GMDS: variants seen among roughly 807,000 people sequenced by gnomAD.
GMDS encodes the protein GDP-mannose 4,6 dehydratase.
In GMDS, 20 loss-of-function variants were observed where a neutral mutation model predicts 49.9. The observed-to-expected ratio is 0.40, with a 90% CI of 0.28 to 0.58. GMDS has a LOEUF of 0.58. Ranked by LOEUF, GMDS falls within the 20% of genes least tolerant of loss-of-function variation. GMDS has a pLI of 0.42. For missense variants in GMDS, 362 were observed against 481.4 expected, an observed-to-expected ratio of 0.75 and a Z score of 2.32; for synonymous variants, 177 against 178.6, an observed-to-expected ratio of 0.99 and a Z score of 0.07.
At chr6:2,126,230 C>A (rs1414622777) in intron 1 of GMDS, among the ~76,000 whole-genome samples, 2 of 152,214 alleles carry the variant, frequency 1.3e-5, no homozygotes, top group African/African-American at 4.8e-5. Flanking sequence ...GATCCCATAA[C>A]TGCTCCTCTG....
intron 4 of GMDS, among the ~76,000 whole-genome samples, chr6:2,001,129 T>C (rs1166539683): frequency 6.6e-6 from 1 of 152,192 alleles, no homozygotes; most frequent in Non-Finnish European, 1.5e-5. Context: ...AGATTTCCAA[T>C]TCTCTAATTT....
chr6:1,986,571 C>T (rs189650391), intron 4 of GMDS, among the ~76,000 whole-genome samples: 2 of 152,232 alleles, frequency 1.3e-5, no homozygotes, highest in African/African-American at 4.8e-5. Context: ...GTATTAATAG[C>T]TAATCTTCAG....
At chr6:2,233,090 C>T (rs1043292195) in intron 1 of GMDS, among the ~76,000 whole-genome samples, 1 of 152,166 alleles carries the variant, frequency 6.6e-6, no homozygotes, top group African/African-American at 2.4e-5. Context: ...AAGGTACGAC[C>T]TCGTAAATGT....
intron 1 of GMDS, among the ~76,000 whole-genome samples, chr6:2,209,564 T>TACAC (rs1393732535): frequency 5.3e-5 from 6 of 112,850 alleles, no homozygotes; most frequent in Admixed American, 9.2e-5. Flanking sequence ...TACATACACA[T>TACAC]ACACATACAC....
intron 7 of GMDS, among the ~76,000 whole-genome samples, chr6:1,794,519 C>G (rs1769663817): frequency 6.6e-6 from 1 of 152,196 alleles, no homozygotes; most frequent in Non-Finnish European, 1.5e-5. Flanking sequence ...GAGGTCAAAT[C>G]TGGTACTGAG....
At chr6:2,216,933 T>C (rs1198704255) in intron 1 of GMDS, among the ~76,000 whole-genome samples, 1 of 151,898 alleles carries the variant, frequency 6.6e-6, no homozygotes, top group African/African-American at 2.4e-5. Context: ...GAAAGGGAGC[T>C]CAGTGGTTCC....
At chr6:1,762,166 T>G in intron 7 of GMDS, among the ~76,000 whole-genome samples, 1 of 152,260 alleles carries the variant, frequency 6.6e-6, no homozygotes, top group East Asian at 1.9e-4. Flanking sequence ...TATAACCGTC[T>G]GCATTTATTA....
chr6:1,830,182 T>G (rs1374954730), intron 7 of GMDS, among the ~76,000 whole-genome samples: 1 of 152,242 alleles, frequency 6.6e-6, no homozygotes, highest in Non-Finnish European at 1.5e-5. Context: ...GGCTATCATG[T>G]GGGACATTGC....
chr6:2,054,432 T>A (rs1419969268), intron 4 of GMDS, among the ~76,000 whole-genome samples: 1 of 152,154 alleles, frequency 6.6e-6, no homozygotes, highest in East Asian at 1.9e-4. Context: ...TCTAGTGAAT[T>A]TCCTAATTTT....
intron 7 of GMDS, among the ~76,000 whole-genome samples, chr6:1,763,654 T>A (rs1438157001): frequency 6.6e-6 from 1 of 152,226 alleles, no homozygotes; most frequent in Non-Finnish European, 1.5e-5. Context: ...TTTAAAGATC[T>A]AGTATTTCTA....
At chr6:1,878,041 C>T (rs370151285) in intron 7 of GMDS, among the ~76,000 whole-genome samples, 25 of 152,182 alleles carry the variant, frequency 1.6e-4, no homozygotes, top group Non-Finnish European at 2.2e-4. Context: ...CTGCTGGGCG[C>T]GGTGGCTCAC....
At chr6:1,700,765 C>T (rs542278276) in intron 9 of GMDS, among the ~76,000 whole-genome samples, 18 of 152,282 alleles carry the variant, frequency 1.2e-4, no homozygotes, top group South Asian at 6.2e-4. Context: ...TGTCCCTCCT[C>T]GGGCCCAGCA....
chr6:1,879,388 G>A (rs1371242604), intron 7 of GMDS, among the ~76,000 whole-genome samples: 1 of 152,194 alleles, frequency 6.6e-6, no homozygotes, highest in Non-Finnish European at 1.5e-5. Context: ...ATATTCACCT[G>A]CTAAGGAGTC....
intron 9 of GMDS, among the ~76,000 whole-genome samples, chr6:1,677,945 T>C (rs1308718384): frequency 1.3e-5 from 2 of 152,084 alleles, no homozygotes; most frequent in African/African-American, 4.8e-5. Context: ...TAAAGTATAA[T>C]AAAAAAATAA....
intron 4 of GMDS, among the ~76,000 whole-genome samples, chr6:2,055,741 T>C (rs907259312): frequency 1.3e-5 from 2 of 152,276 alleles, no homozygotes; most frequent in South Asian, 4.1e-4. Flanking sequence ...GGATAGTCAG[T>C]ATAGCACAGT....
At chr6:1,627,443 G>T (rs61262304) in intron 9 of GMDS, among the ~76,000 whole-genome samples, 18,087 of 152,132 alleles carry the variant, frequency 0.12, 1,288 homozygotes, top group African/African-American at 0.19. Context: ...ATACAACGGG[G>T]TCCAAACTGC....
At position 1,973,247 on chromosome 6, in the gene GMDS, A is replaced by G. The variant is rs147407870; in HGVS notation, c.346-12281T>C. 3.3e-3 allele frequency among the ~76,000 whole-genome samples: 501 copies of G among 152,356 alleles called. 4 individuals are homozygous for G. The highest frequency in any genetic ancestry group is 0.011 in the African/African-American group (455 of 41,586). The stretch of plus-strand genomic sequence containing the variant: ...CAAAAGTACATAAATACACTAAGGC[A>G]TTAACATGACACTAGAGATGTACAC... On this transcript the variant is annotated intron_variant, in intron 4 of 10. Coordinates refer to ENST00000380815, the MANE Select transcript of GMDS (RefSeq NM_001500.4).
intron 7 of GMDS, among the ~76,000 whole-genome samples, chr6:1,811,225 C>G (rs1299967590): frequency 1.3e-5 from 2 of 152,178 alleles, no homozygotes; most frequent in Admixed American, 6.6e-5. Flanking sequence ...ATCTTTCACC[C>G]TTGTCAAAAA....
At chr6:2,180,985 G>A (rs1778494858) in intron 1 of GMDS, among the ~76,000 whole-genome samples, 1 of 151,984 alleles carries the variant, frequency 6.6e-6, no homozygotes, top group South Asian at 2.1e-4. Context: ...GGCTAAAACA[G>A]TGAAGCCCAG....
Sources: allele counts gnomAD v4.1 joint callset (sites outside exome capture counted in the v4.1 genomes callset), GRCh38; gene constraint gnomAD v4.1.1; transcripts MANE v1.5; gene names NCBI Gene and HGNC (gene_info 2026-07-23, HGNC 2026-07-21).